CFAP69: variants seen among roughly 807,000 people sequenced by gnomAD.
CFAP69 encodes cilia and flagella associated protein 69, also known as cilia- and flagella-associated protein 69.
In CFAP69, 92 loss-of-function variants were observed where a neutral mutation model predicts 123.0. The observed-to-expected ratio is 0.75, with a 90% CI of 0.63 to 0.89. The LOEUF (loss-of-function observed/expected upper bound fraction) is 0.89. Among genes scored for constraint, CFAP69 ranks in the 40% least tolerant of loss-of-function variants. The pLI, the probability that CFAP69 is intolerant of heterozygous loss-of-function variation, is 0.00. For missense variants in CFAP69, 1,067 were observed against 1,096.9 expected (o/e 0.97, Z 0.39); for synonymous variants, 380 against 364.3 (o/e 1.04, Z -0.49).
intron 22 of CFAP69, 123 bp from the exon 23 acceptor site, chr7:90,309,945 A>C: frequency 1.4e-6 from 1 of 728,502 alleles, no homozygotes; most frequent in Non-Finnish European, 2.3e-6. Context: ...TTATACCATA[A>C]CTGCCTCCTA....
intron 13 of CFAP69, among the ~76,000 whole-genome samples, chr7:90,284,502 AGG>A (rs1789969602): frequency 6.6e-6 from 1 of 152,208 alleles, no homozygotes; most frequent in African/African-American, 2.4e-5. Flanking sequence ...CAGGACACCA[AGG>A]ACCTTTTCCT....
intron 11 of CFAP69, among the ~76,000 whole-genome samples, chr7:90,277,865 C>T (rs1452069634): frequency 6.6e-6 from 1 of 152,074 alleles, no homozygotes; most frequent in East Asian, 1.9e-4. Flanking sequence ...TCACTTCTGG[C>T]TTATCACCTA....
At chr7:90,283,596 T>G (rs1450993304) in intron 13 of CFAP69, among the ~76,000 whole-genome samples, 1 of 152,192 alleles carries the variant, frequency 6.6e-6, no homozygotes, top group East Asian at 1.9e-4. Flanking sequence ...CGTCATCAAT[T>G]AGACACTTAA....
chr7:90,271,456 T>C (rs544143142), intron 6 of CFAP69, 70 bp from the exon 7 acceptor site: 1 of 1,445,134 alleles, frequency 6.9e-7, no homozygotes, highest in Non-Finnish European at 9.4e-7. Flanking sequence ...AATAATAAAT[T>C]ACTCATTCTT....
intron 9 of CFAP69, among the ~76,000 whole-genome samples, chr7:90,276,307 AC>A (rs1468129331): frequency 6.6e-6 from 1 of 152,144 alleles, no homozygotes; most frequent in Non-Finnish European, 1.5e-5. Flanking sequence ...TTATAGGTAG[AC>A]CTTTGTTTCT....
chr7:90,281,708 G>T (rs1157255413), intron 12 of CFAP69, among the ~76,000 whole-genome samples: 1 of 152,110 alleles, frequency 6.6e-6, no homozygotes, highest in Non-Finnish European at 1.5e-5. Context: ...TGTAGGAAAG[G>T]TTTCTTTAAA....
At chr7:90,266,093 C>T (rs1253155929) in intron 5 of CFAP69, 1 of 151,968 alleles carries the variant, frequency 6.6e-6, no homozygotes, top group Non-Finnish European at 1.5e-5. Flanking sequence ...TGATCCAGTG[C>T]ATTTTTAAAA....
chr7:90,295,814 C>T (rs1193031513), intron 15 of CFAP69, among the ~76,000 whole-genome samples: 1 of 152,220 alleles, frequency 6.6e-6, no homozygotes, highest in African/African-American at 2.4e-5. Context: ...ATATGCCAAA[C>T]ATGGAGTGGA....
chr7:90,318,521 C>T, the CFAP69 span: 1 of 152,048 alleles, frequency 6.6e-6, no homozygotes, highest in Non-Finnish European at 1.5e-5. Flanking sequence ...TAGGATAATA[C>T]TGCCATTAGT....
Position 90,286,363 on chromosome 7 carries a change from C to T in CFAP69, c.1620C>T (p.Ile540=). The T allele has an allele frequency of 6.2e-7, 1 of 1,611,830 alleles. No homozygotes were observed. Among genetic ancestry groups the T allele is most frequent in the Non-Finnish European group, 8.5e-7 (1 of 1,179,142 alleles). Residue 540 remains isoleucine (I), a synonymous_variant, in exon 14 of 23, where the codon ATC becomes ATT. Transcript: ENST00000389297. ...VLEIQSDILL[I]LSGLCENHIQ... Reference sequence around the variant, plus strand: ...AAATCCAGTCTGATATATTACTTATCCTATCTGGCCTTTGTGAGAATCACA... The same window carrying T: ...AAATCCAGTCTGATATATTACTTATTCTATCTGGCCTTTGTGAGAATCACA...
intron 3 of CFAP69, among the ~76,000 whole-genome samples, chr7:90,259,990 A>T (rs1189679381): frequency 6.6e-6 from 1 of 152,116 alleles, no homozygotes; most frequent in Non-Finnish European, 1.5e-5. Context: ...AGCTTGTCCA[A>T]CCCTCAACCT....
intron 1 of CFAP69, among the ~76,000 whole-genome samples, chr7:90,250,040 A>T (rs1358032361): frequency 6.6e-6 from 1 of 152,136 alleles, no homozygotes; most frequent in African/African-American, 2.4e-5. Flanking sequence ...CCTTGTTTAT[A>T]GGGTTTTTGC....
chr7:90,315,762 T>A (rs1380858866), downstream of CFAP69, among the ~76,000 whole-genome samples: 1 of 152,188 alleles, frequency 6.6e-6, no homozygotes, highest in East Asian at 1.9e-4. Flanking sequence ...AACAAAAGTT[T>A]AAAAAATAAA....
intron 9 of CFAP69, among the ~76,000 whole-genome samples, chr7:90,275,590 CTTTTTTTTTTTT>C (rs57578763): frequency 1.1e-4 from 7 of 62,040 alleles, no homozygotes; most frequent in African/African-American, 2.7e-4. Context: ...GGCCAAAAGC[CTTTTTTTTTTTT>C]TTTTTTTTTT....
At chr7:90,296,138 C>G (rs568526601) in intron 15 of CFAP69, among the ~76,000 whole-genome samples, 57 of 152,280 alleles carry the variant, frequency 3.7e-4, no homozygotes, top group African/African-American at 1.0e-3. Flanking sequence ...TGGAGTTGCT[C>G]TCATTCAAAC....
chr7:90,304,496 C>T (rs1041565136), intron 18 of CFAP69: 5 of 1,264,054 alleles, frequency 4.0e-6, no homozygotes, highest in Non-Finnish European at 5.0e-6. Context: ...TGTCTGACTA[C>T]AACACAGAAA....
At chr7:90,291,189 G>T in intron 15 of CFAP69, among the ~76,000 whole-genome samples, 1 of 152,150 alleles carries the variant, frequency 6.6e-6, no homozygotes, top group Non-Finnish European at 1.5e-5. Flanking sequence ...TCCATAATCA[G>T]AGCAGCCCTG....
At chr7:90,250,188 GA>G (rs1796807974) in intron 1 of CFAP69, among the ~76,000 whole-genome samples, 2 of 1,888 alleles carry the variant, frequency 1.1e-3, no homozygotes, top group Non-Finnish European at 2.1e-3. Flanking sequence ...TTAAAGAGAG[GA>G]GAGAGAGAGA....
At chr7:90,282,794 T>G (rs1789679966) in intron 12 of CFAP69, 98 bp from the exon 13 acceptor site, 1 of 1,034,978 alleles carries the variant, frequency 9.7e-7, no homozygotes, top group Non-Finnish European at 1.3e-6. Context: ...TGACAAAATT[T>G]TAACATTTGT....
Sources: allele counts gnomAD v4.1 joint callset (sites outside exome capture counted in the v4.1 genomes callset), GRCh38; gene constraint gnomAD v4.1.1; transcripts MANE v1.5; gene names NCBI Gene and HGNC (gene_info 2026-07-23, HGNC 2026-07-21).